MED27: variants seen among roughly 807,000 people sequenced by gnomAD.
MED27 encodes the protein mediator of RNA polymerase II transcription subunit 27.
In MED27, 30 loss-of-function variants were observed where a neutral mutation model predicts 38.2. The ratio of observed to expected loss-of-function variants is 0.79; its 90% CI spans 0.59 to 1.07. The LOEUF is 1.07. MED27 is among the 50% of genes least tolerant of loss of function. The pLI is 0.00. For synonymous variants in MED27, 122 were observed against 153.5 expected, an observed-to-expected ratio of 0.79 and a Z score of 1.52; for missense variants, 289 against 397.5, an observed-to-expected ratio of 0.73 and a Z score of 2.32.
intron 2 of MED27, among the ~76,000 whole-genome samples, chr9:132,015,041 C>G (rs1832571537): frequency 6.6e-6 from 1 of 152,092 alleles, no homozygotes; most frequent in Non-Finnish European, 1.5e-5. Context: ...TAATAAAAAC[C>G]ATAGAATTTG....
intron 3 of MED27, among the ~76,000 whole-genome samples, chr9:131,949,661 T>C (rs867900216): frequency 1.3e-5 from 2 of 152,198 alleles, no homozygotes; most frequent in South Asian, 2.1e-4. Flanking sequence ...AGTAGTGTAG[T>C]AACAAAATGA....
At chr9:131,978,973 A>T (rs1188761734) in intron 3 of MED27, among the ~76,000 whole-genome samples, 1 of 152,238 alleles carries the variant, frequency 6.6e-6, no homozygotes, top group Non-Finnish European at 1.5e-5. Flanking sequence ...AAAGCCCTAA[A>T]AATTATGTCA....
At chr9:132,026,372 G>T (rs1409653583) in intron 2 of MED27, among the ~76,000 whole-genome samples, 3 of 152,182 alleles carry the variant, frequency 2.0e-5, no homozygotes, top group Non-Finnish European at 4.4e-5. Flanking sequence ...GGCAAGCAGG[G>T]AGCAGTGAAG....
intron 3 of MED27, among the ~76,000 whole-genome samples, chr9:131,959,950 A>G (rs1288518941): frequency 2.0e-5 from 3 of 152,228 alleles, no homozygotes; most frequent in African/African-American, 4.8e-5. Context: ...TGAGGACTAA[A>G]GATGAGTATT....
intron 3 of MED27, among the ~76,000 whole-genome samples, chr9:131,939,929 CAG>C (rs1262506528): frequency 7.3e-6 from 1 of 137,516 alleles, no homozygotes; most frequent in Non-Finnish European, 1.5e-5. Context: ...TTCTTTGAGA[CAG>C]AGTCTTGCTG....
chr9:131,869,292 C>T, intron 6 of MED27: 5 of 984,884 alleles, frequency 5.1e-6, no homozygotes, highest in Non-Finnish European at 6.0e-6. Context: ...TCCGTCTTGT[C>T]AAAGCACTCC....
At chr9:131,904,253 G>T (rs1230552385) in intron 4 of MED27, among the ~76,000 whole-genome samples, 1 of 151,884 alleles carries the variant, frequency 6.6e-6, no homozygotes, top group African/African-American at 2.4e-5. Context: ...TGCCCAGGCT[G>T]GTCTTAGACT....
At chr9:131,874,888 G>A (rs561216065) in intron 6 of MED27, among the ~76,000 whole-genome samples, 4 of 152,282 alleles carry the variant, frequency 2.6e-5, no homozygotes, top group African/African-American at 9.6e-5. Context: ...CTGTAGGAAC[G>A]GCCCTGCAGT....
At chr9:131,976,557 T>A (rs752040569) in intron 3 of MED27, among the ~76,000 whole-genome samples, 4 of 152,188 alleles carry the variant, frequency 2.6e-5, no homozygotes, top group Non-Finnish European at 5.9e-5. Flanking sequence ...TTATTACTAA[T>A]CCAATCTCCC....
At chr9:132,078,501 G>A (rs1793186900) in intron 1 of MED27, among the ~76,000 whole-genome samples, 1 of 152,126 alleles carries the variant, frequency 6.6e-6, no homozygotes, top group South Asian at 2.1e-4. Context: ...GTATTAACTG[G>A]TGCTCGGCGC....
chr9:131,955,943 C>T (rs1831086981), intron 3 of MED27, among the ~76,000 whole-genome samples: 1 of 152,100 alleles, frequency 6.6e-6, no homozygotes, highest in Non-Finnish European at 1.5e-5. Flanking sequence ...AAGTTATAGA[C>T]AATACTCTTC....
At chr9:132,058,996 C>T (rs960211981) in intron 2 of MED27, among the ~76,000 whole-genome samples, 10 of 152,176 alleles carry the variant, frequency 6.6e-5, no homozygotes, top group African/African-American at 1.9e-4. Context: ...CCTTCCCCAC[C>T]GTGCACACCT....
intron 6 of MED27, among the ~76,000 whole-genome samples, chr9:131,874,220 G>A (rs920136893): frequency 2.6e-5 from 4 of 152,172 alleles, no homozygotes; most frequent in Admixed American, 2.0e-4. Context: ...TTCCTGTCAG[G>A]CTAAGCCCTT....
chr9:132,057,095 T>C (rs1164075642), intron 2 of MED27, among the ~76,000 whole-genome samples: 1 of 152,184 alleles, frequency 6.6e-6, no homozygotes, highest in African/African-American at 2.4e-5. Flanking sequence ...CTGTTTGCCC[T>C]CTGGTTCCAC....
chr9:132,060,579 C>T (rs1474933795), intron 2 of MED27, among the ~76,000 whole-genome samples: 2 of 152,208 alleles, frequency 1.3e-5, no homozygotes, highest in Admixed American at 1.3e-4. Context: ...CAAGCTTCTA[C>T]AGGAAACCCT....
intron 2 of MED27, among the ~76,000 whole-genome samples, chr9:132,033,477 A>C (rs1227872502): frequency 1.3e-5 from 2 of 152,240 alleles, no homozygotes; most frequent in Non-Finnish European, 2.9e-5. Context: ...TGGTAAATTT[A>C]GAGTCTTGTG....
intron 2 of MED27, among the ~76,000 whole-genome samples, chr9:132,046,679 A>G (rs1178096388): frequency 6.6e-6 from 1 of 152,176 alleles, no homozygotes; most frequent in Non-Finnish European, 1.5e-5. Flanking sequence ...TAGCAGCTGC[A>G]GTGGGAACCC....
chr9:132,001,593 C>G (rs1182733237), intron 3 of MED27, among the ~76,000 whole-genome samples: 1 of 152,064 alleles, frequency 6.6e-6, no homozygotes, highest in Non-Finnish European at 1.5e-5. Flanking sequence ...TGGATCTGAG[C>G]ATAATAAGCT....
rs572820753 is a variant in MED27, at chr9:132,071,583, C to T, written c.348+5859G>A. On this transcript the variant is annotated intron_variant, in intron 2 of 7. Coordinates refer to ENST00000292035, the MANE Select transcript of MED27 (RefSeq NM_004269.4). ...ACCAAACACACAAGTAACCCGTATCCCATGAACCTGTGCCCCATGAACGAG... is the reference window on the plus strand; with the variant it reads ...ACCAAACACACAAGTAACCCGTATCTCATGAACCTGTGCCCCATGAACGAG... Among the ~76,000 whole-genome samples, 9 of 151,748 alleles carry T rather than the reference C, an allele frequency of 5.9e-5. No homozygotes were observed. The South Asian group carries it at 1.7e-3, about 28-fold the overall frequency.
Sources: gnomAD v4.1 joint callset for allele counts (sites outside exome capture counted in the v4.1 genomes callset) on GRCh38, gnomAD v4.1.1 for gene constraint, MANE v1.5 for transcripts, NCBI Gene and HGNC (gene_info 2026-07-23, HGNC 2026-07-21) for gene names.